Variants in ATRNL1 observed in about 807,000 individuals in gnomAD.
ATRNL1 encodes the protein attractin-like protein 1.
Under a neutral mutation model 182.7 loss-of-function variants are expected in ATRNL1, and 95 were observed. The ratio of observed to expected loss-of-function variants is 0.52; its 90% confidence interval spans 0.44 to 0.62. ATRNL1 has a LOEUF of 0.62. ATRNL1 is among the 20% of genes least tolerant of loss of function. The probability of loss-of-function intolerance (pLI) is 0.00; values close to 1 mark genes in which losing one functional copy is unlikely to be tolerated. For missense variants in ATRNL1, 1,471 were observed against 1,679.5 expected (o/e 0.88, Z 2.17); for synonymous variants, 576 against 568.3 (o/e 1.01, Z -0.19).
At chr10:115,511,537 T>A (rs1554982689) in intron 24 of ATRNL1, among the ~76,000 whole-genome samples, 1 of 151,848 alleles carries the variant, frequency 6.6e-6, no homozygotes, top group East Asian at 1.9e-4. Flanking sequence ...AAATATTATA[T>A]CAGAGTTTAT....
At chr10:115,564,974 CTT>C (rs782475266) in intron 26 of ATRNL1, among the ~76,000 whole-genome samples, 1 of 151,930 alleles carries the variant, frequency 6.6e-6, no homozygotes, top group Non-Finnish European at 1.5e-5. Context: ...ACTGTACAAA[CTT>C]ATTTTCATTA....
chr10:115,929,834 A>G (rs1175205658), intron 28 of ATRNL1, among the ~76,000 whole-genome samples: 1 of 152,116 alleles, frequency 6.6e-6, no homozygotes, highest in Non-Finnish European at 1.5e-5. Flanking sequence ...TAAAGATGGG[A>G]AGTTGAACAG....
intron 26 of ATRNL1, among the ~76,000 whole-genome samples, chr10:115,559,596 T>C (rs1378033085): frequency 6.6e-6 from 1 of 152,222 alleles, no homozygotes; most frequent in Non-Finnish European, 1.5e-5. Flanking sequence ...ACATATTGCC[T>C]AGATCTTGAT....
At chr10:115,669,585 T>G (rs2133924573) in intron 26 of ATRNL1, among the ~76,000 whole-genome samples, 1 of 152,276 alleles carries the variant, frequency 6.6e-6, no homozygotes, top group Non-Finnish European at 1.5e-5. Context: ...CTACAGTGAC[T>G]TTTTTATTGA....
Position 115,944,840 on chromosome 10 carries a change from T to G in ATRNL1, c.*61T>G. On this transcript the variant is annotated 3_prime_UTR_variant, in exon 29 of 29. Coordinates refer to ENST00000355044, the MANE Select transcript of ATRNL1 (RefSeq NM_207303.4). ...TTACTTCGGGCTTCTGTTAAAGCTG[T>G]TCTATGGCCTTGGATTTTATGGAGG... The G allele has an allele frequency of 1.3e-6, 2 of 1,532,132 alleles. No individual in the cohort carries two copies. Among genetic ancestry groups the G allele is most frequent in the Non-Finnish European group, 1.8e-6 (2 of 1,136,622 alleles). The allele number at this position is 1,532,132 out of a possible 1,614,324, so 94.9% of individuals were successfully genotyped here. A position where few individuals can be genotyped will look rare whatever the true frequency, so the allele number is the denominator to read the frequency against.
rs569051734 is a variant in ATRNL1 at position 115,613,261 on chromosome 10, C to T, written c.3795+63725C>T. Among the ~76,000 whole-genome samples, 258 of 152,286 alleles carry T rather than the reference C, an allele frequency of 1.7e-3. 1 individual carries two copies. The highest frequency in any genetic ancestry group is 3.2e-3 in the Non-Finnish European group (219 of 68,016). ...CAAAGAGATACTGATCTTTATCAAA[C>T]GTTTTGCCTATGTCTGTTGAGATTA... On this transcript the variant is annotated intron_variant, in intron 26 of 28. Transcript: ENST00000355044.
intron 28 of ATRNL1, among the ~76,000 whole-genome samples, chr10:115,886,734 G>A (rs1227793085): frequency 6.6e-6 from 1 of 152,166 alleles, no homozygotes; most frequent in Non-Finnish European, 1.5e-5. Flanking sequence ...AGTCAACAGT[G>A]AGAGTCTGTA....
At chr10:115,868,618 A>G (rs1437848968) in intron 28 of ATRNL1, among the ~76,000 whole-genome samples, 1 of 152,072 alleles carries the variant, frequency 6.6e-6, no homozygotes, top group Non-Finnish European at 1.5e-5. Flanking sequence ...CAGAAGCCCT[A>G]AAGAAGGCAT....
chr10:115,660,080 A>G (rs981720255), intron 26 of ATRNL1, among the ~76,000 whole-genome samples: 2 of 152,264 alleles, frequency 1.3e-5, no homozygotes, highest in Non-Finnish European at 2.9e-5. Flanking sequence ...AGGTAAGAGG[A>G]GAATAAGAAT....
rs782608321 is a variant in ATRNL1, at chr10:115,093,891, C to T, written c.141C>T (p.Gly47=). The change falls in exon 1 of 29, where the codon GGC becomes GGT. Residue 47 remains glycine (G), a synonymous_variant. Transcript: ENST00000355044. The surrounding 1 kb of genome is among the most constrained non-coding windows in gnomAD (Gnocchi z 6.1). The part of the protein sequence containing the change: ...LDGNSWLLCY[G]FLYLALYAQV... The stretch of plus-strand genomic sequence containing the variant: ...GGAACAGCTGGCTGCTGTGCTATGG[C>T]TTCCTCTACCTGGCGCTCTACGCGC... 47 of 1,595,750 alleles carry T rather than the reference C, an allele frequency of 2.9e-5. No homozygotes were observed. Among genetic ancestry groups the T allele is most frequent in the Non-Finnish European group, 3.4e-5 (40 of 1,173,192 alleles).
chr10:115,533,597 A>G lies in ATRNL1; in HGVS notation c.3716+14273A>G, dbSNP rs1554989194. Among the ~76,000 whole-genome samples, 12 of 151,560 alleles carry G rather than the reference A, an allele frequency of 7.9e-5. No homozygotes were observed. In the South Asian group the frequency reaches 2.3e-3, roughly 29 times the overall value. On this transcript the variant is annotated intron_variant, in intron 25 of 28. Coordinates refer to ENST00000355044, the MANE Select transcript of ATRNL1 (RefSeq NM_207303.4). ...TTTTGAAGGGTTTTTTTGTGTCTCT[A>G]TTTCCTTCAGTTCTGCTTTGATTTT...
chr10:115,702,523 C>G (rs116424506), intron 26 of ATRNL1, among the ~76,000 whole-genome samples: 2,001 of 151,840 alleles, frequency 0.013, 41 homozygotes, highest in African/African-American at 0.044. Context: ...ACACTAATGA[C>G]TCTATACTTA....
intron 24 of ATRNL1, among the ~76,000 whole-genome samples, chr10:115,513,323 A>G (rs1261917311): frequency 6.6e-6 from 1 of 151,968 alleles, no homozygotes; most frequent in South Asian, 2.1e-4. Flanking sequence ...ATATTTTTAG[A>G]TGTTAAAAAG....
At chr10:115,622,298 A>G (rs1555023222) in intron 26 of ATRNL1, among the ~76,000 whole-genome samples, 2 of 152,218 alleles carry the variant, frequency 1.3e-5, no homozygotes. Context: ...AACAAAGAGA[A>G]TATTGGTGAC....
At position 115,200,372 on chromosome 10, in the gene ATRNL1, C is replaced by A. The variant is rs1270653; in HGVS notation, c.1349-15325C>A. ...AGGTATATCTCCTAATGCTATCCCT[C>A]CCCCCTCCCCCCACCCCACAACAGT... On this transcript the variant is annotated intron_variant, in intron 8 of 28. Coordinates refer to ENST00000355044, the MANE Select transcript of ATRNL1 (RefSeq NM_207303.4). 5.0e-5 allele frequency among the ~76,000 whole-genome samples: 5 copies of A among 100,330 alleles called. No individual in the cohort carries two copies. The East Asian group carries it at 1.5e-3, about 30-fold the overall frequency. The allele number at this position is 100,330 out of a possible 152,430, so 65.8% of individuals were successfully genotyped here.
chr10:115,216,964 A>T (rs1455027785), intron 9 of ATRNL1, among the ~76,000 whole-genome samples: 1 of 151,990 alleles, frequency 6.6e-6, no homozygotes. Context: ...CATAAATAGC[A>T]TCTTCTGTAC....
At position 115,734,986 on chromosome 10, in the gene ATRNL1, C is replaced by T. The variant is rs183874158; in HGVS notation, c.3903+7631C>T. ...CTTCCAATTTAAGAACAATTTAAAT[C>T]TTGCTTCCAATTTTCTTTGTTTTTG... is the stretch of plus-strand genomic sequence containing the variant. On this transcript the variant is annotated intron_variant, in intron 27 of 28. Coordinates refer to ENST00000355044, the MANE Select transcript of ATRNL1 (RefSeq NM_207303.4). Among the ~76,000 whole-genome samples, 669 of 152,170 alleles carry T rather than the reference C, an allele frequency of 4.4e-3. 8 individuals carry two copies. Among genetic ancestry groups the T allele is most frequent in the African/African-American group, 0.015 (615 of 41,526 alleles).
At chr10:115,825,758 C>A (rs1178362030) in intron 27 of ATRNL1, among the ~76,000 whole-genome samples, 3 of 152,132 alleles carry the variant, frequency 2.0e-5, no homozygotes, top group African/African-American at 7.2e-5. Context: ...AGCTTTCTGG[C>A]CAAATGCTGT....
intron 18 of ATRNL1, among the ~76,000 whole-genome samples, chr10:115,320,658 A>AT (rs1485229054): frequency 1.3e-5 from 2 of 149,242 alleles, no homozygotes; most frequent in Non-Finnish European, 3.0e-5. Flanking sequence ...AAACTCTTAG[A>AT]TTTTTTCTTC....
Sources: allele counts gnomAD v4.1 joint callset (sites outside exome capture counted in the v4.1 genomes callset), GRCh38; gene constraint gnomAD v4.1.1; non-coding constraint Gnocchi (gnomAD v3.1); transcripts MANE v1.5; gene names NCBI Gene and HGNC (gene_info 2026-07-23, HGNC 2026-07-21).